Variants in MMP16 observed in about 807,000 individuals in gnomAD.
The protein encoded by MMP16 is matrix metallopeptidase 16.
Under a neutral mutation model 67.8 loss-of-function variants are expected in MMP16, and 12 were observed. That is an observed-to-expected ratio of 0.18 (90% confidence interval 0.11 to 0.29). The LOEUF (loss-of-function observed/expected upper bound fraction) is 0.29. MMP16 is among the 10% of genes least tolerant of loss of function. The probability of loss-of-function intolerance (pLI) is 1.00; values close to 1 mark genes in which losing one functional copy is unlikely to be tolerated. For synonymous variants in MMP16, 249 were observed against 255.9 expected, an observed-to-expected ratio of 0.97 and a Z score of 0.26; for missense variants, 475 against 765.7, an observed-to-expected ratio of 0.62 and a Z score of 4.48.
chr8:88,172,428 T>C (rs959806438), intron 3 of MMP16, among the ~76,000 whole-genome samples: 22 of 152,320 alleles, frequency 1.4e-4, no homozygotes, highest in African/African-American at 4.6e-4. Context: ...TAGAAACTTT[T>C]ATGCCATGTA....
chr8:88,289,918 C>T (rs1810896095), intron 1 of MMP16, among the ~76,000 whole-genome samples: 3 of 152,084 alleles, frequency 2.0e-5, no homozygotes, highest in Admixed American at 1.3e-4. Flanking sequence ...TCCCTCACTA[C>T]CCTGCACTAC....
intron 1 of MMP16, among the ~76,000 whole-genome samples, chr8:88,290,514 C>T (rs951708418): frequency 6.6e-6 from 1 of 151,876 alleles, no homozygotes; most frequent in Non-Finnish European, 1.5e-5. Context: ...TATTGTGCCA[C>T]TGAACTCCAG....
At chr8:88,234,519 A>AT (rs1427847653) in intron 1 of MMP16, among the ~76,000 whole-genome samples, 3 of 152,314 alleles carry the variant, frequency 2.0e-5, no homozygotes, top group African/African-American at 4.8e-5. Flanking sequence ...CCCAGAAATT[A>AT]TTTTATAATT....
intron 1 of MMP16, among the ~76,000 whole-genome samples, chr8:88,316,344 C>T (rs1465486971): frequency 6.6e-6 from 1 of 152,042 alleles, no homozygotes; most frequent in Non-Finnish European, 1.5e-5. Context: ...AAAGTCAGTG[C>T]CTGGCATCAG....
At chr8:88,106,567 A>G (rs1054497493) in intron 6 of MMP16, among the ~76,000 whole-genome samples, 8 of 151,226 alleles carry the variant, frequency 5.3e-5, no homozygotes, top group South Asian at 2.1e-4. Flanking sequence ...AAAGGTAGTA[A>G]AAATGTATAC....
intron 6 of MMP16, among the ~76,000 whole-genome samples, chr8:88,093,800 GT>G (rs754451948): frequency 1.6e-4 from 24 of 151,878 alleles, no homozygotes; most frequent in Non-Finnish European, 2.8e-4. Flanking sequence ...GAGTGTCTGG[GT>G]TATGGTTGAA....
At chr8:88,230,170 G>A (rs1809835840) in intron 1 of MMP16, among the ~76,000 whole-genome samples, 1 of 152,020 alleles carries the variant, frequency 6.6e-6, no homozygotes, top group Admixed American at 6.6e-5. Flanking sequence ...AACAGAGACA[G>A]GACATTTTTA....
chr8:88,219,609 G>T (rs1447868636), intron 1 of MMP16, among the ~76,000 whole-genome samples: 1 of 152,112 alleles, frequency 6.6e-6, no homozygotes, highest in Non-Finnish European at 1.5e-5. Flanking sequence ...CCTCAGCTAT[G>T]AGACCAACAG....
intron 1 of MMP16, among the ~76,000 whole-genome samples, chr8:88,241,465 G>C (rs918094054): frequency 2.0e-5 from 3 of 152,038 alleles, no homozygotes; most frequent in African/African-American, 7.2e-5. Flanking sequence ...GAACATTTGA[G>C]AGCAGATGAG....
At chr8:88,116,856 T>A in intron 5 of MMP16, 138 bp from the exon 6 acceptor site, 1 of 753,290 alleles carries the variant, frequency 1.3e-6, no homozygotes, top group Non-Finnish European at 2.1e-6. Context: ...GTATATTTTC[T>A]GAAAAAAACA....
rs181777799 is a variant in MMP16 at position 88,317,255 on chromosome 8, T to C, written c.132+9820A>G. ...TAAGAGAAATCTTTCATGAAAGGAA[T>C]AGTCAATCAATGTGGCAAACTTCAC... is the stretch of plus-strand genomic sequence containing the variant. On this transcript the variant is annotated intron_variant, in intron 1 of 9. Coordinates refer to ENST00000286614, the MANE Select transcript of MMP16 (RefSeq NM_005941.5). Among the ~76,000 whole-genome samples the C allele has an allele frequency of 1.1e-4, 16 of 152,278 alleles. No homozygotes were observed. In the East Asian group the frequency reaches 1.2e-3, roughly 11 times the overall value.
intron 1 of MMP16, among the ~76,000 whole-genome samples, chr8:88,280,312 C>T (rs1810712895): frequency 6.6e-6 from 1 of 152,092 alleles, no homozygotes; most frequent in Admixed American, 6.5e-5. Context: ...AAAAAGTATC[C>T]TAAAATTTAA....
chr8:88,148,387 T>C (rs1808330628), intron 4 of MMP16, among the ~76,000 whole-genome samples: 1 of 152,230 alleles, frequency 6.6e-6, no homozygotes, highest in African/African-American at 2.4e-5. Flanking sequence ...TTAGTGATCT[T>C]TGCTCCTAAA....
chr8:88,224,610 T>C (rs1467997979), intron 1 of MMP16, among the ~76,000 whole-genome samples: 3 of 152,012 alleles, frequency 2.0e-5, no homozygotes, highest in African/African-American at 4.8e-5. Flanking sequence ...ATGCAGACTA[T>C]TGGAAACAAG....
At chr8:88,141,024 T>C (rs1369920713) in intron 4 of MMP16, among the ~76,000 whole-genome samples, 1 of 152,128 alleles carries the variant, frequency 6.6e-6, no homozygotes, top group Non-Finnish European at 1.5e-5. Flanking sequence ...ATAAATGTAA[T>C]GCAACACAGA....
chr8:88,306,724 C>A (rs1325093308), intron 1 of MMP16, among the ~76,000 whole-genome samples: 1 of 152,064 alleles, frequency 6.6e-6, no homozygotes, highest in Non-Finnish European at 1.5e-5. Flanking sequence ...CAATAAAAGT[C>A]AAAATCCCTT....
intron 1 of MMP16, among the ~76,000 whole-genome samples, chr8:88,261,102 T>C (rs1209570504): frequency 1.3e-5 from 2 of 152,182 alleles, no homozygotes; most frequent in Admixed American, 6.5e-5. Flanking sequence ...GTCTTGAAGA[T>C]ATGCCTCAAA....
intron 1 of MMP16, among the ~76,000 whole-genome samples, chr8:88,246,725 T>C (rs770623502): frequency 6.6e-6 from 1 of 152,158 alleles, no homozygotes; most frequent in Non-Finnish European, 1.5e-5. Flanking sequence ...TTTAAGCCTA[T>C]TGTTGTTTAA....
intron 1 of MMP16, among the ~76,000 whole-genome samples, chr8:88,271,460 A>G (rs1915019): frequency 0.67 from 102,400 of 152,098 alleles, 35,425 homozygotes; most frequent in East Asian, 0.88. Context: ...CATATCAGTC[A>G]TTGCCACTCA....
Sources: allele counts gnomAD v4.1 joint callset (sites outside exome capture counted in the v4.1 genomes callset), GRCh38; gene constraint gnomAD v4.1.1; transcripts MANE v1.5; gene names NCBI Gene and HGNC (gene_info 2026-07-23, HGNC 2026-07-21).